The following CELF2 variants were observed in gnomAD, a reference collection of about 807,000 sequenced individuals.
The protein encoded by CELF2 is CUGBP Elav-like family member 2, also known as CUG triplet repeat RNA-binding protein 2.
A neutral mutation model predicts 62.6 loss-of-function variants in CELF2; 8 were observed. The observed-to-expected ratio is 0.13, with a 90% confidence interval of 0.07 to 0.23. CELF2 has a LOEUF of 0.23. Ranked by LOEUF, CELF2 falls within the 10% of genes least tolerant of loss-of-function variation. The pLI is 1.00. For synonymous variants in CELF2, 258 were observed against 250.0 expected (o/e 1.03, Z -0.30); for missense variants, 333 against 671.0 (o/e 0.50, Z 5.56).
the CELF2 span, among the ~76,000 whole-genome samples, chr10:10,656,374 T>C: frequency 7.2e-6 from 1 of 139,718 alleles, no homozygotes; most frequent in East Asian, 2.0e-4. Context: ...TTACTGGGTA[T>C]ATACCCAAAG....
intron 2 of CELF2, among the ~76,000 whole-genome samples, chr10:10,985,540 T>G (rs943385640): frequency 6.6e-6 from 1 of 152,196 alleles, no homozygotes; most frequent in Non-Finnish European, 1.5e-5. Flanking sequence ...ATTGTCTCCA[T>G]GTAAGTGCTT....
chr10:11,052,319 C>G (rs1022705274), intron 1 of CELF2, among the ~76,000 whole-genome samples: 1 of 152,180 alleles, frequency 6.6e-6, no homozygotes, highest in Non-Finnish European at 1.5e-5. Context: ...GAGATCATTA[C>G]CTTTTTTCAA....
At chr10:10,632,441 G>GCA in the CELF2 span, among the ~76,000 whole-genome samples, 798 of 149,338 alleles carry the variant, frequency 5.3e-3, 6 homozygotes, top group African/African-American at 0.017. Flanking sequence ...ACAGACACAC[G>GCA]CACACACACA....
chr10:10,664,543 G>T, the CELF2 span, among the ~76,000 whole-genome samples: 1 of 152,192 alleles, frequency 6.6e-6, no homozygotes, highest in African/African-American at 2.4e-5. Flanking sequence ...AAAGGTGAAA[G>T]TAGAGTTTGG....
chr10:10,503,348 C>T, the CELF2 span, among the ~76,000 whole-genome samples: 5 of 151,904 alleles, frequency 3.3e-5, no homozygotes, highest in East Asian at 3.9e-4. Flanking sequence ...ACTCTAATTG[C>T]GAATTTTTCT....
In CELF2 at chr10:11,228,332, T is replaced by TA. The variant is rs369579068; in HGVS notation, c.354+10831dup. On this transcript the variant is annotated intron_variant, in intron 3 of 12. Transcript: ENST00000633077. ...AACTTTATATATACTTGATCTCACA[T>TA]AAAAAACAAATAAGGTAGTAATTTG... 1.9e-3 allele frequency among the ~76,000 whole-genome samples: 288 copies of TA among 152,290 alleles called. 4 individuals are homozygous for TA. The highest frequency in any genetic ancestry group is 6.3e-3 in the African/African-American group (263 of 41,542).
the CELF2 span, among the ~76,000 whole-genome samples, chr10:10,669,948 G>A: frequency 2.9e-5 from 4 of 139,228 alleles, no homozygotes; most frequent in East Asian, 6.4e-4. Flanking sequence ...TGTCACTCAG[G>A]CTGGAGTGCA....
the CELF2 span, among the ~76,000 whole-genome samples, chr10:10,503,708 T>C: frequency 6.6e-6 from 1 of 152,020 alleles, no homozygotes; most frequent in Non-Finnish European, 1.5e-5. Flanking sequence ...ATCATTTACA[T>C]TTAATTTAAT....
chr10:11,118,224 G>C (rs1271901690), intron 1 of CELF2, among the ~76,000 whole-genome samples: 1 of 152,056 alleles, frequency 6.6e-6, no homozygotes, highest in African/African-American at 2.4e-5. Flanking sequence ...CCATTTGAAT[G>C]GGTGTTTATT....
At chr10:10,695,198 C>A in the CELF2 span, among the ~76,000 whole-genome samples, 1 of 146,464 alleles carries the variant, frequency 6.8e-6, no homozygotes, top group Non-Finnish European at 1.5e-5. Flanking sequence ...TTAGGGCAGG[C>A]CTGGTGGTGA....
intron 1 of CELF2, among the ~76,000 whole-genome samples, chr10:10,800,694 A>G (rs2054575130): frequency 6.6e-6 from 1 of 152,170 alleles, no homozygotes; most frequent in Non-Finnish European, 1.5e-5. Context: ...ACTTTCGTTA[A>G]ATAATTACCA....
At chr10:11,251,394 A>G (rs2077114565) in intron 4 of CELF2, among the ~76,000 whole-genome samples, 1 of 144,362 alleles carries the variant, frequency 6.9e-6, no homozygotes, top group Non-Finnish European at 1.5e-5. Flanking sequence ...CTTTCTGTCC[A>G]GTGTCCACTG....
rs190308093 is a variant in CELF2, at chr10:11,178,694, C to T, written c.271+13012C>T. Among the ~76,000 whole-genome samples the T allele has an allele frequency of 9.9e-4, 151 of 152,244 alleles. No individual in the cohort carries two copies. The highest frequency in any genetic ancestry group is 1.7e-3 in the Non-Finnish European group (116 of 68,010). On this transcript the variant is annotated intron_variant, in intron 2 of 12. Transcript: ENST00000633077. This position sits in a 1 kb window ranked among gnomAD's most constrained non-coding sequence, Gnocchi z 4.3. ...CAAATGGCAGAGTTTGATTGTTTAACCTAGACTAATCAGTCTTTGGAGGGC... is the reference window on the plus strand; with the variant it reads ...CAAATGGCAGAGTTTGATTGTTTAATCTAGACTAATCAGTCTTTGGAGGGC...
chr10:10,482,306 T>G, the CELF2 span, among the ~76,000 whole-genome samples: 1 of 152,214 alleles, frequency 6.6e-6, no homozygotes, highest in South Asian at 2.1e-4. Flanking sequence ...TTGCTTAATG[T>G]TCAATCACAG....
intron 10 of CELF2, chr10:11,317,335 A>G (rs1292154657): frequency 6.6e-6 from 1 of 152,224 alleles, no homozygotes; most frequent in African/African-American, 2.4e-5. Context: ...TAATATCTAT[A>G]GTTTACACAG....
At chr10:11,058,711 A>AC (rs2065963198) in intron 1 of CELF2, among the ~76,000 whole-genome samples, 1 of 150,210 alleles carries the variant, frequency 6.7e-6, no homozygotes, top group Admixed American at 6.6e-5. Context: ...CAGGCGATCC[A>AC]CCCCCCTCAG....
chr10:10,574,791 C>T, the CELF2 span, among the ~76,000 whole-genome samples: 1 of 151,780 alleles, frequency 6.6e-6, no homozygotes, highest in African/African-American at 2.4e-5. Flanking sequence ...CTCACTGCAA[C>T]CTCTGCCTCC....
intron 2 of CELF2, among the ~76,000 whole-genome samples, chr10:11,215,949 C>T (rs2063257915): frequency 6.6e-6 from 1 of 152,160 alleles, no homozygotes; most frequent in Non-Finnish European, 1.5e-5. Context: ...AATCTACCAT[C>T]AAGAAGCAGA....
the CELF2 span, among the ~76,000 whole-genome samples, chr10:10,587,778 T>C: frequency 6.6e-6 from 1 of 152,090 alleles, no homozygotes; most frequent in African/African-American, 2.4e-5. Context: ...CCCTGGTAAT[T>C]TTACTACTAA....
Sources: gnomAD v4.1 joint callset for allele counts (sites outside exome capture counted in the v4.1 genomes callset) on GRCh38, gnomAD v4.1.1 for gene constraint, Gnocchi (gnomAD v3.1) non-coding constraint, MANE v1.5 for transcripts, NCBI Gene and HGNC (gene_info 2026-07-23, HGNC 2026-07-21) for gene names.